OSBPL9: variants seen among roughly 807,000 people sequenced by gnomAD.
OSBPL9 encodes oxysterol binding protein like 9, also known as oxysterol-binding protein-related protein 9.
Under a neutral mutation model 106.6 loss-of-function variants are expected in OSBPL9, and 40 were observed. The observed-to-expected ratio is 0.38, with a 90% CI of 0.29 to 0.49. The LOEUF (loss-of-function observed/expected upper bound fraction) is 0.49. Among genes scored for constraint, OSBPL9 ranks in the 20% least tolerant of loss-of-function variants. The pLI is 0.97. For missense variants in OSBPL9, 609 were observed against 887.2 expected, an observed-to-expected ratio of 0.69 and a Z score of 3.98; for synonymous variants, 269 against 295.4, an observed-to-expected ratio of 0.91 and a Z score of 0.92.
intron 4 of OSBPL9, among the ~76,000 whole-genome samples, chr1:51,740,412 T>C (rs562155323): frequency 1.3e-5 from 2 of 152,198 alleles, no homozygotes; most frequent in East Asian, 3.9e-4. Flanking sequence ...AAATGTCTGC[T>C]TTTGTCCAGA....
Position 51,766,797 on chromosome 1 carries a change from G to A in OSBPL9, c.938+816G>A, listed in dbSNP as rs562245094. Among the ~76,000 whole-genome samples, 11 of 152,230 alleles carry A rather than the reference G, an allele frequency of 7.2e-5. No homozygotes were observed. In the South Asian group the frequency reaches 2.3e-3, roughly 32 times the overall value. Reference sequence around the variant, plus strand: ...TTAAAAACGTTTAGGGAGGCCAAGTGTGGTGGCTCACGCCTGTAATCCCAG... The same window carrying A: ...TTAAAAACGTTTAGGGAGGCCAAGTATGGTGGCTCACGCCTGTAATCCCAG... On this transcript the variant is annotated intron_variant, in intron 12 of 23. Transcript: ENST00000428468.
chr1:51,728,803 G>A (rs906798750), intron 4 of OSBPL9, among the ~76,000 whole-genome samples: 1 of 152,142 alleles, frequency 6.6e-6, no homozygotes, highest in Non-Finnish European at 1.5e-5. Flanking sequence ...GGGATTTCAG[G>A]AGTGAGCCAC....
the OSBPL9 span, chr1:51,519,114 A>G: frequency 8.2e-6 from 8 of 972,018 alleles, no homozygotes; most frequent in South Asian, 7.7e-5. Context: ...TGCTTGGCCC[A>G]CAAGCCAAGA....
At chr1:51,708,594 C>T (rs543813208) in intron 3 of OSBPL9, among the ~76,000 whole-genome samples, 54 of 152,148 alleles carry the variant, frequency 3.5e-4, no homozygotes, top group African/African-American at 1.3e-3. Context: ...AATCTTAAAG[C>T]CTTTGTATTT....
chr1:51,562,362 C>T, the OSBPL9 span, among the ~76,000 whole-genome samples: 4 of 152,142 alleles, frequency 2.6e-5, no homozygotes, highest in African/African-American at 4.8e-5. Flanking sequence ...CATCACTTTC[C>T]GCCATCACAG....
chr1:51,713,973 T>C, intron 3 of OSBPL9, 30 bp from the exon 4 acceptor site: 1 of 1,533,170 alleles, frequency 6.5e-7, no homozygotes. Context: ...AATTAAACTT[T>C]TAATTTTAAT....
At chr1:51,766,041 T>G (rs1672486137) in intron 12 of OSBPL9, 60 bp downstream of exon 12, 6 of 1,447,550 alleles carry the variant, frequency 4.1e-6, no homozygotes, top group South Asian at 1.4e-5. Flanking sequence ...AAATCTAATT[T>G]GATTTTGAGA....
chr1:51,722,976 A>G (rs2148916281), intron 4 of OSBPL9, among the ~76,000 whole-genome samples: 1 of 152,368 alleles, frequency 6.6e-6, no homozygotes, highest in South Asian at 2.1e-4. Flanking sequence ...CTATAACAAC[A>G]ACAGCAACAA....
At chr1:51,723,205 A>T (rs777975090) in intron 4 of OSBPL9, among the ~76,000 whole-genome samples, 11 of 152,174 alleles carry the variant, frequency 7.2e-5, no homozygotes, top group Non-Finnish European at 1.6e-4. Flanking sequence ...GGTGTTGTGT[A>T]TGGGTTTGGT....
chr1:51,739,513 A>C (rs904799634), intron 4 of OSBPL9, among the ~76,000 whole-genome samples: 1 of 152,008 alleles, frequency 6.6e-6, no homozygotes, highest in African/African-American at 2.4e-5. Context: ...CCATGTTGAC[A>C]ATAAAGAACC....
chr1:51,737,619 A>C (rs1666003007), intron 4 of OSBPL9, among the ~76,000 whole-genome samples: 1 of 151,424 alleles, frequency 6.6e-6, no homozygotes, highest in Admixed American at 6.6e-5. Context: ...TGCGTAAGTA[A>C]AATTACATAA....
In OSBPL9 at chr1:51,729,960, CG is replaced by C. The variant is rs752673449; in HGVS notation, c.319-15571del. The C allele has an allele frequency of 2.3e-6, 3 of 1,316,330 alleles. No homozygotes were observed. Among genetic ancestry groups the C allele is most frequent in the South Asian group, 3.1e-5 (1 of 32,046 alleles). The allele number at this position is 1,316,330 out of a possible 1,614,324, so 81.5% of individuals were successfully genotyped here. ...CTACCTCCCCTGGAGGCACAGAGGGCGGGGGCCTTGGCGAATGGCTTTCTTG... is the reference window on the plus strand; with the variant it reads ...CTACCTCCCCTGGAGGCACAGAGGGCGGGGCCTTGGCGAATGGCTTTCTTG... On this transcript the variant is annotated intron_variant, in intron 4 of 23. Coordinates refer to ENST00000428468, the MANE Select transcript of OSBPL9 (RefSeq NM_024586.6). This position sits in a 1 kb window ranked among gnomAD's most constrained non-coding sequence, Gnocchi z 5.1.
chr1:51,685,417 T>G (rs566502421), intron 3 of OSBPL9, among the ~76,000 whole-genome samples: 2 of 152,280 alleles, frequency 1.3e-5, no homozygotes, highest in Middle Eastern at 3.4e-3. Context: ...GATAATCTTT[T>G]TTTTTTTTGA....
In OSBPL9 at chr1:51,592,440, T is replaced by C. The variant is rs1645281743; in HGVS notation, c.-422-5684T>C. The stretch of plus-strand genomic sequence containing the variant: ...GTTGCTAAGTCTTAATGTAGGAAGA[T>C]TTCTTGTAATAACAATTCTCTTCTT... On this transcript the variant is annotated intron_variant, in intron 1 of 25. Coordinates refer to the OSBPL9 transcript ENST00000371714. Among the ~76,000 whole-genome samples, 4 of 152,192 alleles carry C rather than the reference T, an allele frequency of 2.6e-5. No homozygotes were observed. The South Asian group carries it at 8.3e-4, about 31-fold the overall frequency.
intron 1 of OSBPL9, among the ~76,000 whole-genome samples, chr1:51,633,197 G>A (rs990979993): frequency 5.3e-5 from 8 of 151,616 alleles, no homozygotes; most frequent in African/African-American, 1.9e-4. Flanking sequence ...GACCTCAGGC[G>A]ATCCACCCGC....
At chr1:51,786,162 C>G (rs1677572418) in intron 21 of OSBPL9, 2 of 472,500 alleles carry the variant, frequency 4.2e-6, no homozygotes, top group East Asian at 8.0e-5. Flanking sequence ...AAAACAATGC[C>G]TGGCACATAG....
chr1:51,648,172 A>G (rs554661149), intron 1 of OSBPL9, among the ~76,000 whole-genome samples: 1 of 152,360 alleles, frequency 6.6e-6, no homozygotes, highest in African/African-American at 2.4e-5. Context: ...CTCAGTAGGA[A>G]GATTGCTGGC....
At chr1:51,555,263 G>A in the OSBPL9 span, among the ~76,000 whole-genome samples, 53 of 152,088 alleles carry the variant, frequency 3.5e-4, no homozygotes, top group African/African-American at 1.1e-3. Context: ...AGGCCGAGGC[G>A]GGCGGATCCT....
chr1:51,784,518 AAT>A lies in OSBPL9; in HGVS notation c.1768_1769del (p.Ile590HisfsTer5). The part of the protein sequence containing the change: ...INCSKTGYSA[N>X]IIFHTKPFYG... ...TTGTTCCAAAACAGGCTATAGTGCAAATATCATCTTCCACACTAAACCCTTCT... is the reference window on the plus strand; with the variant it reads ...TTGTTCCAAAACAGGCTATAGTGCAAATCATCTTCCACACTAAACCCTTCT... On this transcript the variant is annotated frameshift_variant, in exon 20 of 24. Transcript: ENST00000428468. LOFTEE classifies it high-confidence loss of function. The A allele has an allele frequency of 6.2e-7, 1 of 1,613,720 alleles. No individual in the cohort carries two copies. The highest frequency in any genetic ancestry group is 2.2e-5 in the East Asian group (1 of 44,874).
Sources: gnomAD v4.1 joint callset for allele counts (sites outside exome capture counted in the v4.1 genomes callset) on GRCh38, gnomAD v4.1.1 for gene constraint, Gnocchi (gnomAD v3.1) non-coding constraint, MANE v1.5 for transcripts, NCBI Gene and HGNC (gene_info 2026-07-23, HGNC 2026-07-21) for gene names.